Variants in QTMAN observed in about 807,000 individuals in gnomAD.
QTMAN encodes the protein tRNA-queuosine alpha-mannosyltransferase.
the QTMAN span, among the ~76,000 whole-genome samples, chr2:144,038,513 T>C: frequency 1.3e-5 from 2 of 152,316 alleles, no homozygotes; most frequent in South Asian, 2.1e-4. Context: ...GTTTATTCAC[T>C]ATTGAGTACT....
At chr2:144,228,132 T>C in the QTMAN span, among the ~76,000 whole-genome samples, 77 of 152,240 alleles carry the variant, frequency 5.1e-4, no homozygotes, top group African/African-American at 1.8e-3. Flanking sequence ...ATAGTATCAG[T>C]TACCTGTGAA....
the QTMAN span, among the ~76,000 whole-genome samples, chr2:144,157,125 C>T: frequency 6.6e-6 from 1 of 152,010 alleles, no homozygotes; most frequent in African/African-American, 2.4e-5. Context: ...GGAAAGTTTA[C>T]TCACCAAGAA....
chr2:144,208,785 C>T, the QTMAN span: 2 of 1,580,946 alleles, frequency 1.3e-6, 1 homozygote, highest in East Asian at 4.5e-5. Context: ...TACTCATTGG[C>T]CCATTCAAAC....
At chr2:144,011,512 A>G in the QTMAN span, among the ~76,000 whole-genome samples, 1 of 152,110 alleles carries the variant, frequency 6.6e-6, no homozygotes. Context: ...TCAAATAGGC[A>G]TAATACTAAC....
the QTMAN span, among the ~76,000 whole-genome samples, chr2:143,969,788 C>G: frequency 6.6e-6 from 1 of 152,098 alleles, no homozygotes; most frequent in African/African-American, 2.4e-5. Context: ...ACAGCTGCAG[C>G]GGGCAAAAGA....
the QTMAN span, among the ~76,000 whole-genome samples, chr2:144,280,809 T>C: frequency 6.6e-6 from 1 of 151,912 alleles, no homozygotes; most frequent in Non-Finnish European, 1.5e-5. Context: ...CCTTAAATGA[T>C]CAATAAATAC....
chr2:144,214,784 T>C, the QTMAN span, among the ~76,000 whole-genome samples: 1 of 152,206 alleles, frequency 6.6e-6, no homozygotes, highest in Non-Finnish European at 1.5e-5. Context: ...TGTGAGAAAA[T>C]TTAAAGCTAT....
At chr2:144,180,578 T>G in the QTMAN span, among the ~76,000 whole-genome samples, 1 of 152,326 alleles carries the variant, frequency 6.6e-6, no homozygotes, top group Admixed American at 6.5e-5. Context: ...CTCAAAATTT[T>G]TGTGTCAAAT....
At chr2:144,327,546 C>T in the QTMAN span, among the ~76,000 whole-genome samples, 1 of 152,194 alleles carries the variant, frequency 6.6e-6, no homozygotes, top group Admixed American at 6.5e-5. Flanking sequence ...TCAGGAAAGG[C>T]GTTCTAACTC....
chr2:143,947,981 G>A, the QTMAN span, among the ~76,000 whole-genome samples: 1 of 152,072 alleles, frequency 6.6e-6, no homozygotes, highest in Non-Finnish European at 1.5e-5. Context: ...CCTTAATTGT[G>A]CTGGTGCAGT....
chr2:144,100,096 C>G, the QTMAN span, among the ~76,000 whole-genome samples: 1 of 152,196 alleles, frequency 6.6e-6, no homozygotes, highest in East Asian at 1.9e-4. Context: ...GCTGATGACG[C>G]TAATGCTCCC....
At chr2:144,062,314 A>G in the QTMAN span, among the ~76,000 whole-genome samples, 10 of 152,316 alleles carry the variant, frequency 6.6e-5, no homozygotes, top group African/African-American at 1.9e-4. Context: ...ACCCATCACA[A>G]TACCCACAAA....
At chr2:144,236,621 T>A in the QTMAN span, among the ~76,000 whole-genome samples, 2 of 152,008 alleles carry the variant, frequency 1.3e-5, no homozygotes, top group African/African-American at 4.8e-5. Flanking sequence ...CAGTAACTCA[T>A]CCAAAAAGGA....
chr2:144,202,957 T>C, the QTMAN span, among the ~76,000 whole-genome samples: 1 of 152,190 alleles, frequency 6.6e-6, no homozygotes, highest in African/African-American at 2.4e-5. Context: ...CACAAACACT[T>C]TTGAATTGGC....
chr2:144,169,432 T>G, the QTMAN span, among the ~76,000 whole-genome samples: 1 of 152,196 alleles, frequency 6.6e-6, no homozygotes, highest in Non-Finnish European at 1.5e-5. Context: ...AAATATTTTT[T>G]TGCTGTAATA....
At chr2:144,255,271 C>T in the QTMAN span, among the ~76,000 whole-genome samples, 8 of 152,064 alleles carry the variant, frequency 5.3e-5, no homozygotes, top group African/African-American at 1.9e-4. Context: ...ATGGGAGGGG[C>T]CTGGTGGGAG....
At chr2:143,957,329 T>C in the QTMAN span, 1 of 1,582,082 alleles carries the variant, frequency 6.3e-7, no homozygotes. Flanking sequence ...TTTTGGCCTC[T>C]GAAAAAATAT....
the QTMAN span, among the ~76,000 whole-genome samples, chr2:144,294,094 T>C: frequency 1.3e-5 from 2 of 152,248 alleles, no homozygotes; most frequent in Non-Finnish European, 2.9e-5. Flanking sequence ...GTTTGTATAC[T>C]AATTCCTCCC....
At chr2:143,960,709 G>C in the QTMAN span, among the ~76,000 whole-genome samples, 1 of 152,030 alleles carries the variant, frequency 6.6e-6, no homozygotes, top group African/African-American at 2.4e-5. Flanking sequence ...ATTGCTGTTG[G>C]CAGCACAGGT....
Sources: gnomAD v4.1 joint callset for allele counts (sites outside exome capture counted in the v4.1 genomes callset) on GRCh38, gnomAD v4.1.1 for gene constraint, MANE v1.5 for transcripts, NCBI Gene and HGNC (gene_info 2026-07-23, HGNC 2026-07-21) for gene names.